The following TRPC1 variants were observed in gnomAD, a reference collection of about 807,000 sequenced individuals.
The protein encoded by TRPC1 is transient receptor potential cation channel subfamily C member 1.
A neutral mutation model predicts 88.2 loss-of-function variants in TRPC1; 42 were observed. The ratio of observed to expected loss-of-function variants is 0.48; its 90% CI spans 0.37 to 0.62. The LOEUF (loss-of-function observed/expected upper bound fraction) is 0.62, where lower values mean the gene tolerates loss of function less well. TRPC1 is among the 20% of genes least tolerant of loss of function. The probability of loss-of-function intolerance (pLI) is 0.00; values close to 1 mark genes in which losing one functional copy is unlikely to be tolerated. For missense variants in TRPC1, 699 were observed against 957.3 expected, an observed-to-expected ratio of 0.73 and a Z score of 3.56; for synonymous variants, 288 against 331.8, an observed-to-expected ratio of 0.87 and a Z score of 1.43.
chr3:142,766,064 T>A lies in TRPC1; in HGVS notation c.633-11568T>A, dbSNP rs532624428. On this transcript the variant is annotated intron_variant, in intron 4 of 12. Transcript: ENST00000476941. ...AAAAAAAAACAGATGCTGGCAAGGT[T>A]ATGGAGAAAAAGGAACGCTTATGTG... 3.3e-5 allele frequency among the ~76,000 whole-genome samples: 5 copies of A among 152,196 alleles called. No homozygotes were observed. In the South Asian group the frequency reaches 1.0e-3, roughly 32 times the overall value.
chr3:142,743,052 T>C (rs915747261), intron 2 of TRPC1, among the ~76,000 whole-genome samples: 1 of 152,192 alleles, frequency 6.6e-6, no homozygotes, highest in Non-Finnish European at 1.5e-5. Context: ...TTTGCATTGA[T>C]GATAATCATT....
intron 4 of TRPC1, among the ~76,000 whole-genome samples, chr3:142,763,534 G>A (rs957745958): frequency 6.6e-6 from 1 of 151,760 alleles, no homozygotes; most frequent in Non-Finnish European, 1.5e-5. Flanking sequence ...CAGTTACGTG[G>A]AATATCTTTC....
intron 4 of TRPC1, among the ~76,000 whole-genome samples, chr3:142,766,921 G>A (rs1208211160): frequency 6.6e-6 from 1 of 152,054 alleles, no homozygotes; most frequent in East Asian, 1.9e-4. Context: ...TCTTTTTCTT[G>A]AAAATTTCAT....
Position 142,724,460 on chromosome 3 carries a change from T to C in TRPC1, c.-100T>C, listed in dbSNP as rs1933568953. On this transcript the variant is annotated 5_prime_UTR_variant, in exon 1 of 13. Transcript: ENST00000476941. The surrounding 1 kb of genome is among the most constrained non-coding windows in gnomAD (Gnocchi z 5.6). The stretch of plus-strand genomic sequence containing the variant: ...CCGAGGCAGCAGTGGGAACGACTCA[T>C]CCTTTTTCCAGCCCTGGGGCGTGGC... 4 of 1,226,460 alleles carry C rather than the reference T, an allele frequency of 3.3e-6. No individual in the cohort carries two copies. The highest frequency in any genetic ancestry group is 1.6e-5 in the African/African-American group (1 of 62,280). The allele number at this position is 1,226,460 out of a possible 1,614,324, so 76.0% of individuals were successfully genotyped here.
chr3:142,788,826 C>T (rs1025758071), intron 7 of TRPC1, among the ~76,000 whole-genome samples: 38 of 152,090 alleles, frequency 2.5e-4, no homozygotes, highest in Non-Finnish European at 1.9e-4. Flanking sequence ...TTTCAACTTA[C>T]TATGTTCTTT....
intron 9 of TRPC1, among the ~76,000 whole-genome samples, chr3:142,798,574 G>A (rs1046075712): frequency 2.0e-5 from 3 of 152,300 alleles, no homozygotes; most frequent in East Asian, 1.9e-4. Context: ...ACGCAGAAGC[G>A]TGGAGTCCTA....
chr3:142,749,200 G>A (rs1040144887), intron 4 of TRPC1, among the ~76,000 whole-genome samples: 9 of 152,122 alleles, frequency 5.9e-5, no homozygotes, highest in Non-Finnish European at 8.8e-5. Flanking sequence ...TCACATCATA[G>A]TGCAACGCAT....
At chr3:142,781,579 A>G (rs1935958327) in intron 6 of TRPC1, among the ~76,000 whole-genome samples, 1 of 152,152 alleles carries the variant, frequency 6.6e-6, no homozygotes, top group Non-Finnish European at 1.5e-5. Flanking sequence ...ACTAAGTTGA[A>G]TCTGACTTTT....
At chr3:142,779,123 A>G (rs1207993617) in intron 5 of TRPC1, among the ~76,000 whole-genome samples, 2 of 152,214 alleles carry the variant, frequency 1.3e-5, no homozygotes, top group African/African-American at 4.8e-5. Flanking sequence ...AGAAACTGCT[A>G]TGATTATATA....
intron 3 of TRPC1, among the ~76,000 whole-genome samples, chr3:142,743,812 A>T (rs912825298): frequency 1.3e-5 from 2 of 152,114 alleles, no homozygotes; most frequent in African/African-American, 4.8e-5. Context: ...GTCACTGTGG[A>T]CCAGTATTTA....
At chr3:142,753,462 G>A (rs1934848607) in intron 4 of TRPC1, among the ~76,000 whole-genome samples, 1 of 152,028 alleles carries the variant, frequency 6.6e-6, no homozygotes, top group Non-Finnish European at 1.5e-5. Context: ...AGAAAAGGAG[G>A]TTAACAAAAT....
chr3:142,753,951 G>A (rs1052294054), intron 4 of TRPC1, among the ~76,000 whole-genome samples: 1 of 151,944 alleles, frequency 6.6e-6, no homozygotes, highest in African/African-American at 2.4e-5. Context: ...CAGATGAGGT[G>A]ACTTGTACCT....
intron 1 of TRPC1, among the ~76,000 whole-genome samples, chr3:142,728,496 T>C (rs1469004997): frequency 1.3e-5 from 2 of 152,060 alleles, no homozygotes; most frequent in Non-Finnish European, 2.9e-5. Context: ...TTTTTTTGTA[T>C]TTTTAGTAGA....
chr3:142,762,873 C>T (rs1374348428), intron 4 of TRPC1, among the ~76,000 whole-genome samples: 3 of 152,116 alleles, frequency 2.0e-5, no homozygotes, highest in Non-Finnish European at 2.9e-5. Flanking sequence ...GTTATATTCC[C>T]ATGTTCATTT....
At chr3:142,793,507 T>C (rs190060242) in intron 9 of TRPC1, among the ~76,000 whole-genome samples, 158 of 152,126 alleles carry the variant, frequency 1.0e-3, no homozygotes, top group Non-Finnish European at 1.6e-3. Context: ...TTTATAATAC[T>C]TTATAGTTAA....
chr3:142,799,837 C>T (rs1936562562), intron 9 of TRPC1, among the ~76,000 whole-genome samples: 1 of 152,072 alleles, frequency 6.6e-6, no homozygotes. Flanking sequence ...TTAAGCAAGT[C>T]ATGAAGTTTG....
chr3:142,754,301 G>A (rs1347990969), intron 4 of TRPC1, among the ~76,000 whole-genome samples: 1 of 151,938 alleles, frequency 6.6e-6, no homozygotes, highest in Admixed American at 6.6e-5. Context: ...TAAAGAAGGA[G>A]TCTTTATTTA....
intron 4 of TRPC1, among the ~76,000 whole-genome samples, chr3:142,772,907 CCT>C (rs1935626937): frequency 6.6e-6 from 1 of 152,038 alleles, no homozygotes; most frequent in East Asian, 1.9e-4. Flanking sequence ...CTGTTCTAGG[CCT>C]CTCTCCTTTG....
chr3:142,790,869 A>C, intron 7 of TRPC1, 150 bp from the exon 8 acceptor site: 4 of 600,102 alleles, frequency 6.7e-6, no homozygotes, highest in Non-Finnish European at 9.8e-6. Context: ...GATTTTAAGA[A>C]CTTTTCACTA....
Sources: allele counts gnomAD v4.1 joint callset (sites outside exome capture counted in the v4.1 genomes callset), GRCh38; gene constraint gnomAD v4.1.1; non-coding constraint Gnocchi (gnomAD v3.1); transcripts MANE v1.5; gene names NCBI Gene and HGNC (gene_info 2026-07-23, HGNC 2026-07-21).